The following TRAF3IP1 variants were observed in gnomAD, a reference collection of about 807,000 sequenced individuals.
TRAF3IP1 encodes intraflagellar transport 54, also known as TRAF3-interacting protein 1.
In TRAF3IP1, 53 loss-of-function variants were observed where a neutral mutation model predicts 89.9. The observed-to-expected ratio is 0.59, with a 90% confidence interval of 0.47 to 0.74. The LOEUF (loss-of-function observed/expected upper bound fraction) is 0.74, where lower values mean the gene tolerates loss of function less well. Among genes scored for constraint, TRAF3IP1 ranks in the 30% least tolerant of loss-of-function variants. The pLI is 0.00. For missense variants in TRAF3IP1, 806 were observed against 866.1 expected (o/e 0.93, Z 0.87); for synonymous variants, 311 against 322.1 (o/e 0.97, Z 0.37).
intron 15 of TRAF3IP1, among the ~76,000 whole-genome samples, chr2:238,391,908 A>T (rs1701008841): frequency 6.6e-6 from 1 of 152,228 alleles, no homozygotes; most frequent in Non-Finnish European, 1.5e-5. Context: ...TAAGTCAATG[A>T]GACATTTACT....
At chr2:238,326,820 G>GT (rs1697857771) in intron 3 of TRAF3IP1, among the ~76,000 whole-genome samples, 1 of 152,100 alleles carries the variant, frequency 6.6e-6, no homozygotes, top group African/African-American at 2.4e-5. Context: ...GGTGCATAGT[G>GT]GTATCAGGCC....
At chr2:238,393,817 G>A (rs1035892275) in intron 15 of TRAF3IP1, among the ~76,000 whole-genome samples, 8 of 152,166 alleles carry the variant, frequency 5.3e-5, no homozygotes, top group African/African-American at 7.2e-5. Flanking sequence ...GGACATATTC[G>A]TATGGATCTA....
intron 15 of TRAF3IP1, among the ~76,000 whole-genome samples, chr2:238,374,606 T>G (rs1700240464): frequency 6.6e-6 from 1 of 152,236 alleles, no homozygotes. Context: ...TTGTTGTGTC[T>G]CTACCAGACT....
intron 15 of TRAF3IP1, among the ~76,000 whole-genome samples, chr2:238,382,330 C>T (rs886736096): frequency 2.6e-5 from 4 of 152,102 alleles, no homozygotes; most frequent in African/African-American, 9.7e-5. Context: ...GAATCGTTGA[C>T]TGTCAAGGAT....
At chr2:238,341,203 T>C (rs529214963) in intron 8 of TRAF3IP1, among the ~76,000 whole-genome samples, 1 of 131,658 alleles carries the variant, frequency 7.6e-6, no homozygotes, top group African/African-American at 3.3e-5. Context: ...TTTTTTTTTT[T>C]GTAGAGAGAG....
chr2:238,321,546 C>A (rs906001820), intron 1 of TRAF3IP1, among the ~76,000 whole-genome samples: 8 of 152,148 alleles, frequency 5.3e-5, no homozygotes, highest in South Asian at 2.1e-4. Context: ...TTTCCACTTG[C>A]GGATGGTGTG....
At chr2:238,353,970 C>T (rs1221700127) in intron 14 of TRAF3IP1, among the ~76,000 whole-genome samples, 4 of 152,122 alleles carry the variant, frequency 2.6e-5, no homozygotes, top group East Asian at 1.9e-4. Flanking sequence ...GACAGGTTTT[C>T]GCTACGTTGG....
At chr2:238,373,025 G>A (rs570479787) in intron 15 of TRAF3IP1, among the ~76,000 whole-genome samples, 35 of 152,240 alleles carry the variant, frequency 2.3e-4, no homozygotes, top group African/African-American at 7.7e-4. Flanking sequence ...GTAGATTCTG[G>A]ATATTAGCCC....
chr2:238,332,558 C>A (rs1201726754), intron 5 of TRAF3IP1, among the ~76,000 whole-genome samples: 1 of 152,164 alleles, frequency 6.6e-6, no homozygotes, highest in African/African-American at 2.4e-5. Context: ...TTCTGTGTAG[C>A]TTCCTGAGAG....
At chr2:238,334,991 C>G (rs904565756) in intron 7 of TRAF3IP1, among the ~76,000 whole-genome samples, 1 of 152,174 alleles carries the variant, frequency 6.6e-6, no homozygotes, top group Non-Finnish European at 1.5e-5. Flanking sequence ...CTTGTCATCG[C>G]GTGTGAGTGT....
At chr2:238,388,408 C>T (rs1700864821) in intron 15 of TRAF3IP1, among the ~76,000 whole-genome samples, 1 of 147,012 alleles carries the variant, frequency 6.8e-6, no homozygotes, top group South Asian at 2.2e-4. Context: ...TGTTTGCAGG[C>T]TGTTTTGCTT....
chr2:238,357,013 C>T (rs13028849), intron 15 of TRAF3IP1, among the ~76,000 whole-genome samples: 1 of 152,130 alleles, frequency 6.6e-6, no homozygotes, highest in African/African-American at 2.4e-5. Context: ...CTCCTGACCT[C>T]GTGATCCACC....
chr2:238,338,526 G>C, intron 8 of TRAF3IP1, 69 bp downstream of exon 8: 1 of 828,668 alleles, frequency 1.2e-6, no homozygotes, highest in East Asian at 2.7e-5. Context: ...TCTCAATGTA[G>C]TTATACATTG....
intron 15 of TRAF3IP1, among the ~76,000 whole-genome samples, chr2:238,381,560 G>A (rs762720669): frequency 3.9e-5 from 6 of 152,254 alleles, no homozygotes; most frequent in Non-Finnish European, 8.8e-5. Flanking sequence ...AGCACTGTGT[G>A]GAAGGATGCT....
intron 7 of TRAF3IP1, among the ~76,000 whole-genome samples, chr2:238,335,084 C>G (rs1004246208): frequency 7.9e-5 from 12 of 152,192 alleles, no homozygotes; most frequent in Non-Finnish European, 1.5e-4. Flanking sequence ...TTAAGGACAT[C>G]TGCCAATTTG....
At chr2:238,336,550 A>G (rs1432483397) in intron 7 of TRAF3IP1, among the ~76,000 whole-genome samples, 1 of 152,092 alleles carries the variant, frequency 6.6e-6, no homozygotes, top group Non-Finnish European at 1.5e-5. Context: ...TTAGACTCTT[A>G]AAGTCATTCT....
At chr2:238,385,056 C>G (rs187373413) in intron 15 of TRAF3IP1, among the ~76,000 whole-genome samples, 263 of 151,996 alleles carry the variant, frequency 1.7e-3, no homozygotes, top group African/African-American at 6.2e-3. Context: ...CGCTCTGTCC[C>G]CCAGGCTGGA....
intron 15 of TRAF3IP1, among the ~76,000 whole-genome samples, chr2:238,392,207 A>C (rs929800733): frequency 2.6e-5 from 4 of 152,184 alleles, no homozygotes; most frequent in Non-Finnish European, 5.9e-5. Context: ...CCTGTAAAGA[A>C]AAAATAGTAG....
chr2:238,370,215 A>C (rs1700048905), intron 15 of TRAF3IP1, among the ~76,000 whole-genome samples: 1 of 151,588 alleles, frequency 6.6e-6, no homozygotes, highest in African/African-American at 2.4e-5. Context: ...ATATATGTGA[A>C]CGTGTATGTG....
Sources: allele counts gnomAD v4.1 joint callset (sites outside exome capture counted in the v4.1 genomes callset), GRCh38; gene constraint gnomAD v4.1.1; transcripts MANE v1.5; gene names NCBI Gene and HGNC (gene_info 2026-07-23, HGNC 2026-07-21).